The following NCL variants were observed in gnomAD, a reference collection of about 807,000 sequenced individuals.
NCL encodes nucleolin multifunctional protein.
In NCL, 4 loss-of-function variants were observed where a neutral mutation model predicts 77.7. The observed-to-expected ratio is 0.05, with a 90% CI of 0.03 to 0.12. The LOEUF (loss-of-function observed/expected upper bound fraction) is 0.12. NCL is among the 10% of genes least tolerant of loss of function. The probability of loss-of-function intolerance (pLI) is 1.00; values close to 1 mark genes in which losing one functional copy is unlikely to be tolerated. For synonymous variants in NCL, 344 were observed against 297.8 expected (o/e 1.16, Z -1.60); for missense variants, 763 against 860.9 (o/e 0.89, Z 1.42).
At chr2:231,456,321 A>G in intron 11 of NCL, 185 bp from the exon 12 acceptor site, 1 of 898,212 alleles carries the variant, frequency 1.1e-6, no homozygotes, top group Non-Finnish European at 1.7e-6. Context: ...TTTAATTGCC[A>G]TTGCATAGTT....
intron 8 of NCL, 115 bp downstream of exon 8, chr2:231,458,151 A>G: frequency 7.3e-7 from 1 of 1,372,922 alleles, no homozygotes; most frequent in Admixed American, 2.4e-5. Context: ...ACAAACTTAC[A>G]GGTTAAACTG....
Position 231,456,775 on chromosome 2 carries a change from A to G in NCL, c.1572-11T>C. On this transcript the variant is annotated splice_polypyrimidine_tract_variant and intron_variant, in intron 10 of 13. Coordinates refer to ENST00000322723, the MANE Select transcript of NCL (RefSeq NM_005381.3). ...TCTATAAATGCATACCTGAGGATGA[A>G]CAGTTAATGCTTAGAGTAAGTTACC... 6.2e-7 allele frequency: 1 copy of G among 1,614,022 alleles called. No individual in the cohort carries two copies. Among genetic ancestry groups the G allele is most frequent in the South Asian group, 1.1e-5 (1 of 91,044 alleles).
Position 231,460,696 on chromosome 2 carries a change from C to T in NCL, c.784G>A (p.Glu262Lys), listed in dbSNP as rs1398519515. 1 of 1,587,334 alleles carries T rather than the reference C, an allele frequency of 6.3e-7. No individual in the cohort carries two copies. Among genetic ancestry groups the T allele is most frequent in the East Asian group, 2.3e-5 (1 of 44,416 alleles). ...TCCTCCTCCTCTTCTTCCTCCTCCTCATCATCTTCATCATCATCATCTTCA... is the reference window on the plus strand; with the variant it reads ...TCCTCCTCCTCTTCTTCCTCCTCCTTATCATCTTCATCATCATCATCTTCA... ...DDEDDDDEDD[E>K]EEEEEEEEEP... The change falls in exon 4 of 14, where the codon GAG becomes AAG. Residue 262 changes from glutamate to lysine, a missense_variant. Physicochemically the swap from Glu to Lys is moderately conservative, Grantham distance 56. Transcript: ENST00000322723.
rs1181377532 is a variant in NCL, at chr2:231,457,754, A to G, written c.1336T>C (p.Phe446Leu). 1.2e-6 allele frequency: 2 copies of G among 1,613,024 alleles called. No homozygotes were observed. The highest frequency in any genetic ancestry group is 2.7e-5 in the African/African-American group (2 of 74,908). Residue 446 changes from phenylalanine (F) to leucine (L), a missense_variant, in exon 9 of 14, where the codon TTT becomes CTT. This residue lies in a region of NCL where 590 missense variants were observed against 570.5 expected (regional missense o/e 1.03). Transcript: ENST00000322723. ...ATCTCTGTTCCCTGCTTTTCTTCAA[A>G]GGTTTTCTCTGCATCAGCTTCTGTC... ...FKTEADAEKT[F>L]EEKQGTEIDG...
intron 2 of NCL, among the ~76,000 whole-genome samples, chr2:231,462,313 ATGG>A (rs2046960521): frequency 6.6e-6 from 1 of 152,182 alleles, no homozygotes; most frequent in East Asian, 1.9e-4. Flanking sequence ...TCATCTGAAA[ATGG>A]TAATAGTATC....
chr2:231,464,109 C>CT (rs1186755815), intron 1 of NCL: 30 of 1,371,984 alleles, frequency 2.2e-5, no homozygotes, highest in Non-Finnish European at 2.4e-5. Flanking sequence ...CTCAGTGACT[C>CT]TGTCTTTCCC....
chr2:231,463,383 T>G, intron 1 of NCL, 67 bp from the exon 2 acceptor site: 1 of 1,028,938 alleles, frequency 9.7e-7, no homozygotes, highest in Non-Finnish European at 1.5e-6. Context: ...TATTTTGCCA[T>G]TAGTGTTCAT....
chr2:231,461,484 G>A, intron 3 of NCL, 56 bp downstream of exon 3: 3 of 1,577,430 alleles, frequency 1.9e-6, no homozygotes, highest in Non-Finnish European at 2.6e-6. Flanking sequence ...GTTGATCCCA[G>A]AATCTCAAGA....
At chr2:231,456,368 A>C in intron 11 of NCL, 2 of 880,766 alleles carry the variant, frequency 2.3e-6, no homozygotes, top group Non-Finnish European at 3.7e-6. Flanking sequence ...AAAGTGGGAG[A>C]AGCAACCCAA....
chr2:231,460,772 T>C lies in NCL; in HGVS notation c.708A>G (p.Glu236=). The part of the protein sequence containing the change: ...PVKAKNVAED[E]DEEEDDEDED... ...CGTCCTCATCATCCTCTTCTTCATC[T>C]TCATCCTCAGCCACGTTCTTGGCTT... Residue 236 remains glutamate, a synonymous_variant, in exon 4 of 14, where the codon GAA becomes GAG. Transcript: ENST00000322723. 1 of 1,614,122 alleles carries C rather than the reference T, an allele frequency of 6.2e-7. No individual in the cohort carries two copies. The highest frequency in any genetic ancestry group is 8.5e-7 in the Non-Finnish European group (1 of 1,179,962).
intron 11 of NCL, 138 bp from the exon 12 acceptor site, chr2:231,456,274 C>G: frequency 9.0e-7 from 1 of 1,110,292 alleles, no homozygotes; most frequent in Non-Finnish European, 1.3e-6. Flanking sequence ...GCCAACTAGT[C>G]CTTAATTAAA....
At chr2:231,464,262 T>C in intron 1 of NCL, 74 bp downstream of exon 1, 1 of 1,531,974 alleles carries the variant, frequency 6.5e-7, no homozygotes, top group Non-Finnish European at 8.8e-7. Flanking sequence ...GCGCAGGCCC[T>C]CCTCCCCGCG....
At chr2:231,456,269 C>T in intron 11 of NCL, 133 bp from the exon 12 acceptor site, 1 of 1,144,350 alleles carries the variant, frequency 8.7e-7, no homozygotes, top group Admixed American at 2.3e-5. Context: ...ACTAAGCCAA[C>T]TAGTCCTTAA....
intron 11 of NCL, chr2:231,456,416 G>T: frequency 9.8e-7 from 1 of 1,016,232 alleles, no homozygotes; most frequent in Non-Finnish European, 1.5e-6. Flanking sequence ...GAAATCATGG[G>T]CAAACTTGCT....
intron 6 of NCL, 66 bp downstream of exon 6, chr2:231,460,084 CTG>C (rs1481429886): frequency 4.0e-6 from 6 of 1,490,692 alleles, no homozygotes; most frequent in Non-Finnish European, 5.4e-6. Context: ...GCTAAAGTAA[CTG>C]TGCTAACAGG....
At position 231,461,883 on chromosome 2, in the gene NCL, T is replaced by C. The variant is rs760176944; in HGVS notation, c.270A>G (p.Ala90=). ...TAACTGTCTTCTTGGCAGGTGTTGC[T>C]GCTGCCTTTTTGCCTGGAGTGACAG... The part of the protein sequence containing the change: ...KAAVTPGKKA[A]ATPAKKTVTP... The change falls in exon 3 of 14, where the codon GCA becomes GCG. Residue 90 remains alanine, a synonymous_variant. Coordinates refer to ENST00000322723, the MANE Select transcript of NCL (RefSeq NM_005381.3). 1 of 1,614,258 alleles carries C rather than the reference T, an allele frequency of 6.2e-7. No homozygotes were observed. The highest frequency in any genetic ancestry group is 8.5e-7 in the Non-Finnish European group (1 of 1,180,046).
At position 231,461,803 on chromosome 2, in the gene NCL, G is replaced by A. The variant is rs1363304019; in HGVS notation, c.350C>T (p.Ala117Val). ...CTTCTTACCAGGAGTTGCTACCAAT[G>A]CTTTGCCTGGTGTGGCTCCCTTCTT... is the stretch of plus-strand genomic sequence containing the variant. ...PGKKGATPGKALVATPGKKGA... is the reference protein window; with the variant it reads ...PGKKGATPGKVLVATPGKKGA... Residue 117 changes from alanine to valine, a missense_variant, in exon 3 of 14, where the codon GCA becomes GTA. Physicochemically the swap from Ala to Val is moderately conservative, Grantham distance 64. This residue lies in a region of NCL where 590 missense variants were observed against 570.5 expected (regional missense o/e 1.03). Coordinates refer to ENST00000322723, the MANE Select transcript of NCL (RefSeq NM_005381.3). 3 of 1,614,208 alleles carry A rather than the reference G, an allele frequency of 1.9e-6. No individual in the cohort carries two copies. In the South Asian group the frequency reaches 3.3e-5, roughly 18 times the overall value.
chr2:231,464,388 A>C lies in NCL; in HGVS notation c.-35T>G. The C allele has an allele frequency of 4.4e-6, 7 of 1,596,496 alleles. No individual in the cohort carries two copies. The highest frequency in any genetic ancestry group is 6.0e-6 in the Non-Finnish European group (7 of 1,171,138). ...GGAGTGTGAAGCGGACAAGTGGCGC[A>C]GATGAGTCCAGAAGAAGCCAAGCGA... On this transcript the variant is annotated 5_prime_UTR_variant, in exon 1 of 14. Transcript: ENST00000322723.
rs1485911370 is a variant in NCL, at chr2:231,455,126, AG to A, written c.*64del. 6.4e-7 allele frequency: 1 copy of A among 1,551,536 alleles called. No homozygotes were observed. Among genetic ancestry groups the A allele is most frequent in the African/African-American group, 1.4e-5 (1 of 73,646 alleles). On this transcript the variant is annotated 3_prime_UTR_variant, in exon 14 of 14. Transcript: ENST00000322723. The stretch of plus-strand genomic sequence containing the variant: ...TCCTCAGAAGGCTCTGTCATTGATC[AG>A]GTAACAGTAAAAACCCCAGAGTCCT...
Sources: allele counts gnomAD v4.1 joint callset (sites outside exome capture counted in the v4.1 genomes callset), GRCh38; gene constraint gnomAD v4.1.1; regional missense constraint gnomAD v4.1.1; transcripts MANE v1.5; gene names NCBI Gene and HGNC (gene_info 2026-07-23, HGNC 2026-07-21).